MYO1B: variants seen among roughly 807,000 people sequenced by gnomAD.
MYO1B encodes the protein myosin IB.
MYO1B carries 72 observed loss-of-function variants against 159.7 expected under a neutral mutation model. The observed-to-expected ratio is 0.45, with a 90% CI of 0.37 to 0.55. The LOEUF (loss-of-function observed/expected upper bound fraction) is 0.55. Among genes scored for constraint, MYO1B ranks in the 20% least tolerant of loss-of-function variants. MYO1B has a pLI of 0.00. For missense variants in MYO1B, 1,062 were observed against 1,364.8 expected, an observed-to-expected ratio of 0.78 and a Z score of 3.50; for synonymous variants, 468 against 473.8, an observed-to-expected ratio of 0.99 and a Z score of 0.16.
chr2:191,353,749 A>G (rs1480034255), intron 7 of MYO1B, among the ~76,000 whole-genome samples: 1 of 152,244 alleles, frequency 6.6e-6, no homozygotes, highest in Non-Finnish European at 1.5e-5. Context: ...TGAGAATAAC[A>G]ATAGGACTGA....
intron 2 of MYO1B, among the ~76,000 whole-genome samples, chr2:191,279,653 C>T (rs1475289607): frequency 6.6e-6 from 1 of 152,104 alleles, no homozygotes; most frequent in African/African-American, 2.4e-5. Flanking sequence ...TCATGGGTTG[C>T]TGCAAAGTTG....
intron 3 of MYO1B, among the ~76,000 whole-genome samples, chr2:191,311,065 C>T (rs1212437681): frequency 6.6e-6 from 1 of 152,102 alleles, no homozygotes; most frequent in Non-Finnish European, 1.5e-5. Context: ...TTGAAGCCAC[C>T]CCCTTAGTAT....
chr2:191,404,583 T>C (rs1437158918), intron 24 of MYO1B, among the ~76,000 whole-genome samples: 2 of 152,228 alleles, frequency 1.3e-5, no homozygotes, highest in Non-Finnish European at 2.9e-5. Context: ...AACTAGAATA[T>C]GAATACAGGC....
intron 30 of MYO1B, among the ~76,000 whole-genome samples, chr2:191,422,368 G>A (rs536545413): frequency 6.6e-6 from 1 of 152,168 alleles, no homozygotes; most frequent in Admixed American, 6.5e-5. Context: ...TATACAGTTG[G>A]GGGTTCCTCG....
chr2:191,342,219 C>A (rs1361528709), intron 5 of MYO1B, among the ~76,000 whole-genome samples: 1 of 152,200 alleles, frequency 6.6e-6, no homozygotes, highest in Non-Finnish European at 1.5e-5. Context: ...TTGACCTTTT[C>A]ACTGTGCTTG....
intron 3 of MYO1B, among the ~76,000 whole-genome samples, chr2:191,318,006 C>T (rs1690462320): frequency 6.6e-6 from 1 of 152,070 alleles, no homozygotes; most frequent in Admixed American, 6.5e-5. Flanking sequence ...GGATTAATTA[C>T]ACCAGTTTTT....
rs1246300884 is a variant in MYO1B at position 191,338,807 on chromosome 2, T to C, written c.347-2654T>C. On this transcript the variant is annotated intron_variant, in intron 4 of 30. Coordinates refer to ENST00000392318, the MANE Select transcript of MYO1B (RefSeq NM_001130158.3). ...TAACAAAAGAGCCTGACCTAAACTT[T>C]ATATATTTTTGGTCAGTTTACCTAA... Among the ~76,000 whole-genome samples the C allele has an allele frequency of 2.0e-5, 3 of 152,216 alleles. No individual in the cohort carries two copies. The East Asian group carries it at 5.8e-4, about 29-fold the overall frequency.
chr2:191,282,259 C>G (rs1688105475), intron 2 of MYO1B, among the ~76,000 whole-genome samples: 1 of 152,072 alleles, frequency 6.6e-6, no homozygotes, highest in South Asian at 2.1e-4. Flanking sequence ...CTTGCTATTC[C>G]TGGGGTCAGG....
At chr2:191,407,179 C>T (rs1696969701) in intron 24 of MYO1B, among the ~76,000 whole-genome samples, 1 of 152,140 alleles carries the variant, frequency 6.6e-6, no homozygotes, top group East Asian at 1.9e-4. Flanking sequence ...TAAAAATATG[C>T]ATACAGAACA....
chr2:191,373,801 A>G (rs1303268471), intron 13 of MYO1B, among the ~76,000 whole-genome samples: 1 of 152,202 alleles, frequency 6.6e-6, no homozygotes, highest in Non-Finnish European at 1.5e-5. Flanking sequence ...CAAATTATAA[A>G]AATTTAACTT....
At chr2:191,396,775 C>G (rs1696103169) in intron 21 of MYO1B, among the ~76,000 whole-genome samples, 2 of 152,156 alleles carry the variant, frequency 1.3e-5, no homozygotes, top group African/African-American at 4.8e-5. Context: ...TCCCTTTGCC[C>G]CGTGTTTTCG....
intron 21 of MYO1B, among the ~76,000 whole-genome samples, chr2:191,398,571 G>C (rs1005725143): frequency 1.1e-4 from 16 of 150,984 alleles, no homozygotes; most frequent in African/African-American, 3.7e-4. Flanking sequence ...GGGCAGAGAC[G>C]CTCCTCACCT....
chr2:191,310,303 A>G (rs927913095), intron 3 of MYO1B, among the ~76,000 whole-genome samples: 10 of 152,114 alleles, frequency 6.6e-5, no homozygotes, highest in Non-Finnish European at 1.3e-4. Context: ...CCTGGGTTCA[A>G]GTGATTCTTG....
At chr2:191,392,048 A>G in intron 18 of MYO1B, 60 bp from the exon 19 acceptor site, 1 of 1,257,568 alleles carries the variant, frequency 8.0e-7, no homozygotes. Context: ...ATACCATGAT[A>G]GAAGATAAAA....
In MYO1B at chr2:191,266,438, A is replaced by G. The variant is rs1010196247; in HGVS notation, c.-9-10449A>G. 4.6e-5 allele frequency among the ~76,000 whole-genome samples: 7 copies of G among 152,166 alleles called. 1 individual carries two copies. The highest frequency in any genetic ancestry group is 4.1e-4 in the South Asian group (2 of 4,820). On this transcript the variant is annotated intron_variant, in intron 1 of 30. Coordinates refer to ENST00000392318, the MANE Select transcript of MYO1B (RefSeq NM_001130158.3). Reference sequence around the variant, plus strand: ...GCTCCACAGCCTGTGCCGTACCACAATGGGGTGGATCGAAAGGATCCTTGG... The same window carrying G: ...GCTCCACAGCCTGTGCCGTACCACAGTGGGGTGGATCGAAAGGATCCTTGG...
At chr2:191,340,552 C>T (rs1320344453) in intron 4 of MYO1B, among the ~76,000 whole-genome samples, 1 of 152,112 alleles carries the variant, frequency 6.6e-6, no homozygotes, top group Non-Finnish European at 1.5e-5. Context: ...CCTCATGTGG[C>T]CTATTCTTTA....
chr2:191,404,450 T>C (rs1047254162), intron 24 of MYO1B, among the ~76,000 whole-genome samples: 1 of 152,274 alleles, frequency 6.6e-6, no homozygotes, highest in Admixed American at 6.5e-5. Flanking sequence ...TATACTATTA[T>C]AATTTCAGGA....
At chr2:191,374,317 A>G (rs1050879675) in intron 13 of MYO1B, among the ~76,000 whole-genome samples, 1 of 152,248 alleles carries the variant, frequency 6.6e-6, no homozygotes, top group African/African-American at 2.4e-5. Flanking sequence ...CTGCTGGAGT[A>G]TAGATAACAT....
intron 1 of MYO1B, among the ~76,000 whole-genome samples, chr2:191,254,283 G>C (rs1477024782): frequency 6.6e-6 from 1 of 152,018 alleles, no homozygotes; most frequent in Non-Finnish European, 1.5e-5. Flanking sequence ...CATAATCTTG[G>C]CTCACTGCAA....
Sources: gnomAD v4.1 joint callset for allele counts (sites outside exome capture counted in the v4.1 genomes callset) on GRCh38, gnomAD v4.1.1 for gene constraint, MANE v1.5 for transcripts, NCBI Gene and HGNC (gene_info 2026-07-23, HGNC 2026-07-21) for gene names.